BRSK2: variants seen among roughly 807,000 people sequenced by gnomAD.
The protein encoded by BRSK2 is serine/threonine-protein kinase BRSK2.
In BRSK2, 19 loss-of-function variants were observed where a neutral mutation model predicts 83.3. The ratio of observed to expected loss-of-function variants is 0.23; its 90% CI spans 0.16 to 0.33. The LOEUF (loss-of-function observed/expected upper bound fraction) is 0.33. Among genes scored for constraint, BRSK2 ranks in the 10% least tolerant of loss-of-function variants. BRSK2 has a pLI of 1.00. For synonymous variants in BRSK2, 519 were observed against 435.4 expected, an observed-to-expected ratio of 1.19 and a Z score of -2.39; for missense variants, 798 against 1,042.3, an observed-to-expected ratio of 0.77 and a Z score of 3.23.
rs779928807 is a variant in BRSK2, at chr11:1,450,639, C to T, written c.1340C>T (p.Thr447Ile). ...AGTCCCCTCCCCACCCCCAAGGGGA[C>T]ACCTGTCCACACGCCAAAGGAGAGC... ...RGSPLPTPKG[T>I]PVHTPKESPA... Residue 447 changes from threonine (T) to isoleucine (I), a missense_variant, in exon 14 of 20, where the codon ACA (threonine) becomes ATA (isoleucine). This residue lies in a region of BRSK2 where 455 missense variants were observed against 455.2 expected (regional missense o/e 1.00). Transcript: ENST00000528841. 2 of 1,607,286 alleles carry T rather than the reference C, an allele frequency of 1.2e-6. No individual in the cohort carries two copies. Among genetic ancestry groups the T allele is most frequent in the East Asian group, 2.2e-5 (1 of 44,472 alleles).
At chr11:1,396,509 G>A (rs1338828817) in intron 1 of BRSK2, among the ~76,000 whole-genome samples, 2 of 152,216 alleles carry the variant, frequency 1.3e-5, no homozygotes, top group Non-Finnish European at 2.9e-5. Context: ...ACCCCCTCCA[G>A]GCTGGCCCGA....
chr11:1,424,132 A>G (rs7128873), intron 1 of BRSK2, among the ~76,000 whole-genome samples: 57,165 of 152,060 alleles, frequency 0.38, 11,445 homozygotes, highest in African/African-American at 0.51. Context: ...TTCCACCCCC[A>G]CATCCTCCAG....
intron 18 of BRSK2, among the ~76,000 whole-genome samples, chr11:1,457,598 G>A (rs11028918): frequency 3.5e-4 from 54 of 152,284 alleles, no homozygotes; most frequent in African/African-American, 1.2e-3. Context: ...CTGAACGCTG[G>A]TACGGCGTGG....
At chr11:1,439,857 G>A (rs1176962473) in intron 3 of BRSK2, among the ~76,000 whole-genome samples, 3 of 149,906 alleles carry the variant, frequency 2.0e-5, no homozygotes, top group Non-Finnish European at 3.0e-5. Flanking sequence ...CCCCTGCCCT[G>A]GGGGCTTCAT....
intron 1 of BRSK2, among the ~76,000 whole-genome samples, chr11:1,395,214 C>T (rs185410358): frequency 2.0e-5 from 3 of 152,288 alleles, no homozygotes; most frequent in Non-Finnish European, 4.4e-5. Context: ...CTGAACCCCT[C>T]ATCTGCCCTG....
At chr11:1,451,281 G>A in intron 14 of BRSK2, 90 bp from the exon 15 acceptor site, 1 of 1,483,984 alleles carries the variant, frequency 6.7e-7, no homozygotes, top group Non-Finnish European at 9.4e-7. Context: ...GTGGACTCCT[G>A]ATGACCCTGA....
rs4046759 is a variant in BRSK2 at position 1,396,181 on chromosome 11, C to T, written c.91+5806C>T. On this transcript the variant is annotated intron_variant, in intron 1 of 19. Transcript: ENST00000528841. ...GTGGACCCCTGCGTCCCCCGCTCCT[C>T]GTCTCTCTTCCCTTCCACCCACGTC... Among the ~76,000 whole-genome samples the T allele has an allele frequency of 3.3e-4, 30 of 90,610 alleles. No individual in the cohort carries two copies. The East Asian group carries it at 7.1e-3, about 21-fold the overall frequency. 59.4% of individuals were successfully genotyped at this position (90,610 alleles called of 152,430 possible).
chr11:1,457,477 C>T (rs749895912), intron 18 of BRSK2, among the ~76,000 whole-genome samples: 14 of 152,302 alleles, frequency 9.2e-5, no homozygotes, highest in Admixed American at 5.9e-4. Context: ...ACTCGGCATA[C>T]GGCAGGGAGG....
At chr11:1,393,832 G>A (rs182397834) in intron 1 of BRSK2, among the ~76,000 whole-genome samples, 245 of 152,342 alleles carry the variant, frequency 1.6e-3, no homozygotes, top group African/African-American at 4.7e-3. Flanking sequence ...GACGGGCAGC[G>A]ATGGGCTGTG....
chr11:1,441,148 CGT>C (rs1851194207), intron 4 of BRSK2, among the ~76,000 whole-genome samples: 1 of 129,736 alleles, frequency 7.7e-6, no homozygotes, highest in Non-Finnish European at 1.6e-5. Flanking sequence ...TCAAGTGCAC[CGT>C]CCCCCCATTA....
chr11:1,415,778 C>A (rs1199399487), intron 1 of BRSK2, among the ~76,000 whole-genome samples: 1 of 81,502 alleles, frequency 1.2e-5, no homozygotes, highest in African/African-American at 4.2e-5. Context: ...ACGGTGGTCC[C>A]AGCAGAGGAC....
Position 1,461,741 on chromosome 11 carries a change from C to T in BRSK2, c.*1018C>T. On this transcript the variant is annotated 3_prime_UTR_variant, in exon 20 of 20. Transcript: ENST00000528841. ...AATTCCTGCAAGATATTTTTATAAACTTTTTTTTCTTGGTGGTTTTTGGAA... is the reference window on the plus strand; with the variant it reads ...AATTCCTGCAAGATATTTTTATAAATTTTTTTTTCTTGGTGGTTTTTGGAA... 1 of 143,228 alleles carries T rather than the reference C, an allele frequency of 7.0e-6. No individual in the cohort carries two copies. The highest frequency in any genetic ancestry group is 2.2e-4 in the South Asian group (1 of 4,456). 8.9% of individuals were successfully genotyped at this position (143,228 alleles called of 1,614,324 possible). A position where few individuals can be genotyped will look rare whatever the true frequency, so the allele number is the denominator to read the frequency against.
At chr11:1,397,981 G>A (rs958294386) in intron 1 of BRSK2, among the ~76,000 whole-genome samples, 5 of 152,228 alleles carry the variant, frequency 3.3e-5, no homozygotes, top group African/African-American at 4.8e-5. Context: ...GGCCTTCCCG[G>A]CCCCGGGCAG....
chr11:1,438,598 A>T lies in BRSK2; in HGVS notation c.272+207A>T, dbSNP rs1007846121. 2.0e-5 allele frequency among the ~76,000 whole-genome samples: 3 copies of T among 152,202 alleles called. No individual in the cohort carries two copies. In the East Asian group the frequency reaches 5.8e-4, roughly 30 times the overall value. ...GGTCTCTGCTTCTGGACCAAACCGG[A>T]GACCTGGTCTGTGGAGGCTCGCAGA... On this transcript the variant is annotated intron_variant, in intron 3 of 19. Coordinates refer to ENST00000528841, the MANE Select transcript of BRSK2 (RefSeq NM_001256627.2). The surrounding 1 kb of genome is among the most constrained non-coding windows in gnomAD (Gnocchi z 6.4).
At chr11:1,429,066 TGTGCATGGGTGTGTGTCCTGGGTGC>T (rs1187171946) in intron 1 of BRSK2, among the ~76,000 whole-genome samples, 1 of 145,534 alleles carries the variant, frequency 6.9e-6, no homozygotes. Context: ...CACAGGTGTG[TGTGCATGGGTGTGTGTCCTGGGTGC>T]GTGCATGTGT....
At position 1,456,957 on chromosome 11, in the gene BRSK2, C is replaced by A. The variant is rs745694954; in HGVS notation, c.1939+270C>A. The A allele has an allele frequency of 4.4e-6, 7 of 1,592,398 alleles. No individual in the cohort carries two copies. In the East Asian group the frequency reaches 6.7e-5, roughly 15 times the overall value. On this transcript the variant is annotated intron_variant, in intron 18 of 19. Coordinates refer to ENST00000528841, the MANE Select transcript of BRSK2 (RefSeq NM_001256627.2). ...AAGGCGCCTCTTGTCCACCGTAGAA[C>A]CCCCCCCACCAGCGCCAGGACTAAG...
rs1564880234 is a variant in BRSK2, at chr11:1,454,566, T to G, written c.1626T>G (p.Pro542=). 6.2e-7 allele frequency: 1 copy of G among 1,613,150 alleles called. No homozygotes were observed. Residue 542 remains proline (P), a synonymous_variant, in exon 16 of 20, where the codon CCT becomes CCG. Transcript: ENST00000528841. This position sits in a 1 kb window ranked among gnomAD's most constrained non-coding sequence, Gnocchi z 5.2. ...TCTTCGTGGTCATCAAAGACAAACC[T>G]CTGAGCTCCATCAAGGCTGACATCG... ...EQIFVVIKDK[P]LSSIKADIVH...
intron 1 of BRSK2, among the ~76,000 whole-genome samples, chr11:1,396,572 C>T (rs910645835): frequency 5.3e-5 from 8 of 152,346 alleles, no homozygotes; most frequent in East Asian, 3.9e-4. Context: ...TGTGCCTCCC[C>T]GTCGGCCACT....
At chr11:1,441,023 C>T (rs1015691868) in intron 4 of BRSK2, 95 bp downstream of exon 4, 1 of 1,087,444 alleles carries the variant, frequency 9.2e-7, no homozygotes, top group East Asian at 2.5e-5. Context: ...ACTACACCCC[C>T]TATGGTGCTA....
Sources: allele counts gnomAD v4.1 joint callset (sites outside exome capture counted in the v4.1 genomes callset), GRCh38; gene constraint gnomAD v4.1.1; regional missense constraint gnomAD v4.1.1; non-coding constraint Gnocchi (gnomAD v3.1); transcripts MANE v1.5; gene names NCBI Gene and HGNC (gene_info 2026-07-23, HGNC 2026-07-21).